The following RNF41 variants were observed in gnomAD, a reference collection of about 807,000 sequenced individuals.
RNF41 encodes the protein E3 ubiquitin-protein ligase NRDP1.
A neutral mutation model predicts 33.0 loss-of-function variants in RNF41; 4 were observed. The ratio of observed to expected loss-of-function variants is 0.12; its 90% confidence interval spans 0.06 to 0.28. The LOEUF is 0.28. Among genes scored for constraint, RNF41 ranks in the 10% least tolerant of loss-of-function variants. RNF41 has a pLI of 1.00. For missense variants in RNF41, 228 were observed against 432.6 expected (o/e 0.53, Z 4.19); for synonymous variants, 164 against 153.2 (o/e 1.07, Z -0.52).
Position 56,202,547 on chromosome 12 carries a change from A to G in RNF41, c.*3900T>C, listed in dbSNP as rs1878636269. ...ACTGTATTCCAATAAAGTTTTTTAC[A>G]AAAGCAGGCAGTGGGGTTGTAACCT... On this transcript the variant is annotated 3_prime_UTR_variant, in exon 7 of 7. Transcript: ENST00000345093. 6.6e-6 allele frequency: 1 copy of G among 152,228 alleles called. No individual in the cohort carries two copies. The highest frequency in any genetic ancestry group is 1.5e-5 in the Non-Finnish European group (1 of 68,044). 9.4% of individuals were successfully genotyped at this position (152,228 alleles called of 1,614,324 possible). A position where few individuals can be genotyped will look rare whatever the true frequency, so the allele number is the denominator to read the frequency against.
chr12:56,215,188 T>C (rs1592356791), intron 2 of RNF41, among the ~76,000 whole-genome samples: 1 of 152,274 alleles, frequency 6.6e-6, no homozygotes, highest in African/African-American at 2.4e-5. Flanking sequence ...GGAGGGCCTG[T>C]CAAGAGACAA....
intron 4 of RNF41, 89 bp from the exon 5 acceptor site, chr12:56,208,387 G>T: frequency 1.4e-6 from 2 of 1,431,466 alleles, no homozygotes; most frequent in Non-Finnish European, 1.9e-6. Flanking sequence ...TAACTGCTAA[G>T]TAGATTTTGT....
Position 56,206,365 on chromosome 12 carries a change from G to C in RNF41, c.*82C>G. On this transcript the variant is annotated 3_prime_UTR_variant, in exon 7 of 7. Coordinates refer to ENST00000345093, the MANE Select transcript of RNF41 (RefSeq NM_005785.4). This position sits in a 1 kb window ranked among gnomAD's most constrained non-coding sequence, Gnocchi z 5.7. ...AGGTATAAGCCACAGTATTAAGAAT[G>C]GTGGGTAGGACTCAGGTCCCAGCTG... 1 of 1,177,958 alleles carries C rather than the reference G, an allele frequency of 8.5e-7. No homozygotes were observed. Among genetic ancestry groups the C allele is most frequent in the Non-Finnish European group, 1.2e-6 (1 of 818,832 alleles). 73.0% of individuals were successfully genotyped at this position (1,177,958 alleles called of 1,614,324 possible). A position where few individuals can be genotyped will look rare whatever the true frequency, so the allele number is the denominator to read the frequency against.
intron 4 of RNF41, chr12:56,208,618 G>A (rs1228156736): frequency 5.8e-6 from 1 of 171,344 alleles, no homozygotes; most frequent in Non-Finnish European, 1.3e-5. Context: ...AAACTGGAGT[G>A]CGATGGCATG....
intron 4 of RNF41, among the ~76,000 whole-genome samples, chr12:56,208,856 G>A (rs1318098992): frequency 4.7e-5 from 7 of 147,684 alleles, no homozygotes; most frequent in East Asian, 2.0e-4. Flanking sequence ...GTGAGCCACC[G>A]CGCCTGGCCT....
At chr12:56,220,993 C>T (rs556962272) in intron 1 of RNF41, among the ~76,000 whole-genome samples, 2 of 152,276 alleles carry the variant, frequency 1.3e-5, no homozygotes, top group South Asian at 4.1e-4. Flanking sequence ...ATAACACTAT[C>T]ACGGGCCAGT....
intron 1 of RNF41, among the ~76,000 whole-genome samples, chr12:56,220,217 T>C (rs1358627465): frequency 6.6e-6 from 1 of 150,898 alleles, no homozygotes; most frequent in Non-Finnish European, 1.5e-5. Context: ...TTGTTTTTTT[T>C]GGCGGGGGGT....
intron 1 of RNF41, among the ~76,000 whole-genome samples, chr12:56,216,974 A>C (rs1451178241): frequency 6.6e-6 from 1 of 151,690 alleles, no homozygotes; most frequent in African/African-American, 2.4e-5. Context: ...CCCCGTCTCT[A>C]CTAAAAATAC....
At chr12:56,215,717 C>CA (rs58103466) in intron 2 of RNF41, among the ~76,000 whole-genome samples, 2,167 of 74,304 alleles carry the variant, frequency 0.029, 84 homozygotes, top group African/African-American at 0.099. Flanking sequence ...GACTCTGTCT[C>CA]AAAAAAAAAA....
At chr12:56,207,298 G>A (rs1422599094) in intron 6 of RNF41, 1 of 1,344,062 alleles carries the variant, frequency 7.4e-7, no homozygotes. Flanking sequence ...CTCTTCTCTG[G>A]GTTGTAAGCT....
intron 1 of RNF41, among the ~76,000 whole-genome samples, chr12:56,220,762 ATTT>A (rs1362304314): frequency 6.6e-6 from 1 of 151,936 alleles, no homozygotes; most frequent in East Asian, 1.9e-4. Flanking sequence ...TGCAAAATAA[ATTT>A]AGAGTACTGA....
chr12:56,220,839 C>T (rs1869346782), intron 1 of RNF41, among the ~76,000 whole-genome samples: 1 of 152,002 alleles, frequency 6.6e-6, no homozygotes, highest in Non-Finnish European at 1.5e-5. Context: ...CAGGGCTAGC[C>T]ACAGGTCGGT....
At position 56,208,253 on chromosome 12, in the gene RNF41, C is replaced by G. The variant is rs34163253; in HGVS notation, c.408G>C (p.Lys136Asn). 1,371 of 1,614,186 alleles carry G rather than the reference C, an allele frequency of 8.5e-4. 14 individuals carry two copies. The African/African-American group carries it at 0.017, about 20-fold the overall frequency. ...GCTGCTGTACCACTGAGCGCAGGTG[C>G]TTAATGCAGTTATGGTTGGGCAGCT... ...KDELPNHNCI[K>N]HLRSVVQQQQ... Residue 136 changes from lysine to asparagine, a missense_variant, in exon 5 of 7, where the codon AAG becomes AAC. Physicochemically the swap from Lys to Asn is moderately conservative, Grantham distance 94. Around this residue, in one of 2 missense-constraint regions of RNF41, gnomAD observed 199 missense variants for 334.6 expected, o/e 0.59. Transcript: ENST00000345093.
At chr12:56,219,532 T>C (rs936729239) in intron 1 of RNF41, among the ~76,000 whole-genome samples, 1 of 150,906 alleles carries the variant, frequency 6.6e-6, no homozygotes, top group Non-Finnish European at 1.5e-5. Flanking sequence ...TTTCAACATG[T>C]TGGCCAGGCT....
chr12:56,207,227 T>C, intron 6 of RNF41: 2 of 1,326,912 alleles, frequency 1.5e-6, no homozygotes, highest in Non-Finnish European at 2.0e-6. Flanking sequence ...ACTTCACTTG[T>C]ATACTTCGCT....
rs752249235 is a variant in RNF41 at position 56,210,592 on chromosome 12, G to A, written c.91-24C>T. 16 of 1,603,114 alleles carry A rather than the reference G, an allele frequency of 1.0e-5. No homozygotes were observed. In the African/African-American group the frequency reaches 1.7e-4, roughly 17 times the overall value. On this transcript the variant is annotated intron_variant, in intron 3 of 6. Transcript: ENST00000345093. ...GCCTAGAAGAGAGAACAAGGCAAAA[G>A]GGGCGCAAGGGAATTAGCAGGACCT...
intron 3 of RNF41, among the ~76,000 whole-genome samples, chr12:56,211,708 G>A (rs1046558380): frequency 1.3e-5 from 2 of 151,974 alleles, no homozygotes; most frequent in Non-Finnish European, 2.9e-5. Context: ...CATGGTGGAT[G>A]GCGCCTGTAA....
At chr12:56,209,107 C>T (rs1389136266) in intron 4 of RNF41, among the ~76,000 whole-genome samples, 7 of 147,910 alleles carry the variant, frequency 4.7e-5, no homozygotes, top group East Asian at 4.1e-4. Context: ...TCAGGTGATC[C>T]GCCCGCCTCG....
intron 4 of RNF41, 141 bp from the exon 5 acceptor site, chr12:56,208,439 G>C (rs1261200452): frequency 3.9e-6 from 3 of 767,288 alleles, no homozygotes; most frequent in Admixed American, 2.7e-5. Context: ...CCTCCCTCTT[G>C]TTTATTCCCT....
Sources: allele counts gnomAD v4.1 joint callset (sites outside exome capture counted in the v4.1 genomes callset), GRCh38; gene constraint gnomAD v4.1.1; regional missense constraint gnomAD v4.1.1; non-coding constraint Gnocchi (gnomAD v3.1); transcripts MANE v1.5; gene names NCBI Gene and HGNC (gene_info 2026-07-23, HGNC 2026-07-21).